The following RBMS3 variants were observed in gnomAD, a reference collection of about 807,000 sequenced individuals.
The protein encoded by RBMS3 is RNA-binding motif, single-stranded-interacting protein 3.
Under a neutral mutation model 66.8 loss-of-function variants are expected in RBMS3, and 27 were observed. The ratio of observed to expected loss-of-function variants is 0.40; its 90% CI spans 0.30 to 0.56. The LOEUF (loss-of-function observed/expected upper bound fraction) is 0.56, where lower values mean the gene tolerates loss of function less well. RBMS3 is among the 20% of genes least tolerant of loss of function. The probability of loss-of-function intolerance (pLI) is 0.40; values close to 1 mark genes in which losing one functional copy is unlikely to be tolerated. For synonymous variants in RBMS3, 188 were observed against 183.0 expected (o/e 1.03, Z -0.22); for missense variants, 513 against 549.5 (o/e 0.93, Z 0.66).
chr3:29,991,140 G>A lies in RBMS3; in HGVS notation c.1238G>A (p.Gly413Asp), dbSNP rs1698847736. ...TVAPSSQDTS[G>D]QQQQIAVDTS... ...GCACCTTCATCCCAGGACACCAGTG[G>A]TCAGCAGCAACAGATAGCAGTGGAC... Residue 413 changes from glycine (G) to aspartate (D), a missense_variant, in exon 14 of 15, where the codon GGT becomes GAT. Coordinates refer to ENST00000383767, the MANE Select transcript of RBMS3 (RefSeq NM_001003793.3). The A allele has an allele frequency of 1.9e-6, 3 of 1,613,986 alleles. No homozygotes were observed. The highest frequency in any genetic ancestry group is 1.3e-5 in the African/African-American group (1 of 74,888).
chr3:29,516,342 T>A (rs1420661513), intron 3 of RBMS3, among the ~76,000 whole-genome samples: 2 of 152,214 alleles, frequency 1.3e-5, no homozygotes, highest in Non-Finnish European at 2.9e-5. Context: ...GAGATGACGA[T>A]CTGAGTGTCA....
chr3:29,968,241 G>T (rs989432405), intron 12 of RBMS3, among the ~76,000 whole-genome samples: 3 of 152,178 alleles, frequency 2.0e-5, no homozygotes, highest in Admixed American at 1.3e-4. Flanking sequence ...GGCGAGACAG[G>T]CTTGAAAACT....
intron 1 of RBMS3, among the ~76,000 whole-genome samples, chr3:29,304,709 C>A (rs2033898270): frequency 6.6e-6 from 1 of 151,962 alleles, no homozygotes; most frequent in Non-Finnish European, 1.5e-5. Flanking sequence ...CTCTCCTAGT[C>A]CTTACTCATT....
At chr3:29,998,609 C>A (rs1230895499) in intron 14 of RBMS3, among the ~76,000 whole-genome samples, 1 of 152,126 alleles carries the variant, frequency 6.6e-6, no homozygotes. Flanking sequence ...AGAAATAATG[C>A]CGCATATCTA....
chr3:29,801,597 A>T (rs4680728), intron 6 of RBMS3, among the ~76,000 whole-genome samples: 84,812 of 151,850 alleles, frequency 0.56, 24,180 homozygotes, highest in Non-Finnish European at 0.61. Context: ...TCCTGGCTTG[A>T]GAAGGAAAAT....
chr3:29,332,169 A>G (rs1263106633), intron 1 of RBMS3, among the ~76,000 whole-genome samples: 1 of 152,124 alleles, frequency 6.6e-6, no homozygotes, highest in Non-Finnish European at 1.5e-5. Flanking sequence ...AGCTCTGAAA[A>G]CACTGACTGA....
At chr3:29,712,293 T>C (rs968149171) in intron 4 of RBMS3, among the ~76,000 whole-genome samples, 1 of 152,020 alleles carries the variant, frequency 6.6e-6, no homozygotes, top group African/African-American at 2.4e-5. Context: ...ATTTGGTTTT[T>C]ATTTTTGTTA....
At chr3:29,502,682 A>G (rs577424252) in intron 3 of RBMS3, among the ~76,000 whole-genome samples, 57 of 152,210 alleles carry the variant, frequency 3.7e-4, no homozygotes, top group African/African-American at 1.3e-3. Context: ...CCTTTTTTAT[A>G]TTTTGAGAAT....
chr3:29,778,893 G>A (rs368092644), intron 6 of RBMS3, among the ~76,000 whole-genome samples: 165 of 151,956 alleles, frequency 1.1e-3, no homozygotes, highest in African/African-American at 3.8e-3. Flanking sequence ...TTGATGGAGA[G>A]GGGATACACT....
At chr3:29,680,555 AAGAC>A (rs1313292981) in intron 4 of RBMS3, among the ~76,000 whole-genome samples, 1 of 152,244 alleles carries the variant, frequency 6.6e-6, no homozygotes, top group African/African-American at 2.4e-5. Flanking sequence ...AAGCAAGAGA[AAGAC>A]AGACCACAAG....
chr3:29,525,201 C>A (rs1303572011), intron 3 of RBMS3, among the ~76,000 whole-genome samples: 1 of 152,046 alleles, frequency 6.6e-6, no homozygotes, highest in Non-Finnish European at 1.5e-5. Flanking sequence ...ATTCATGCCC[C>A]TCTCTTGTAT....
intron 1 of RBMS3, among the ~76,000 whole-genome samples, chr3:29,404,194 C>G (rs2039922284): frequency 6.6e-6 from 1 of 152,196 alleles, no homozygotes; most frequent in East Asian, 1.9e-4. Context: ...AGTCCTTATT[C>G]TCAGTTTCTA....
intron 1 of RBMS3, among the ~76,000 whole-genome samples, chr3:29,366,916 G>A (rs967159456): frequency 5.3e-5 from 8 of 151,994 alleles, no homozygotes; most frequent in Admixed American, 2.0e-4. Flanking sequence ...AAAGCATTTT[G>A]GTCCTTGATC....
intron 14 of RBMS3, among the ~76,000 whole-genome samples, chr3:30,000,436 T>C (rs1699541967): frequency 6.6e-6 from 1 of 152,216 alleles, no homozygotes; most frequent in South Asian, 2.1e-4. Flanking sequence ...TTTACACTGT[T>C]GGTGGGAGTG....
chr3:29,358,548 T>G (rs2037367414), intron 1 of RBMS3, among the ~76,000 whole-genome samples: 1 of 150,596 alleles, frequency 6.6e-6, no homozygotes, highest in African/African-American at 2.4e-5. Flanking sequence ...TGGTTCCATA[T>G]GAACTTTAAA....
At chr3:29,797,377 T>C (rs570731405) in intron 6 of RBMS3, among the ~76,000 whole-genome samples, 26 of 152,288 alleles carry the variant, frequency 1.7e-4, no homozygotes, top group African/African-American at 5.1e-4. Context: ...CTTCATAGAG[T>C]TGAAGAGAGT....
intron 6 of RBMS3, among the ~76,000 whole-genome samples, chr3:29,855,189 TGTTA>T (rs901514677): frequency 8.5e-5 from 13 of 152,184 alleles, no homozygotes; most frequent in South Asian, 2.1e-4. Flanking sequence ...CATATAATTC[TGTTA>T]GTTAGGGAAA....
intron 4 of RBMS3, among the ~76,000 whole-genome samples, chr3:29,680,615 T>G (rs1440170407): frequency 6.6e-6 from 1 of 152,132 alleles, no homozygotes. Context: ...TCCCTAACAT[T>G]TTATTATAAA....
chr3:29,326,750 G>A (rs1362499358), intron 1 of RBMS3, among the ~76,000 whole-genome samples: 2 of 139,332 alleles, frequency 1.4e-5, no homozygotes, highest in Non-Finnish European at 3.1e-5. Flanking sequence ...TTTTTTTTTC[G>A]AGACAGAGTC....
Sources: gnomAD v4.1 joint callset for allele counts (sites outside exome capture counted in the v4.1 genomes callset) on GRCh38, gnomAD v4.1.1 for gene constraint, MANE v1.5 for transcripts, NCBI Gene and HGNC (gene_info 2026-07-23, HGNC 2026-07-21) for gene names.